Variants in CLOCK observed in about 807,000 individuals in gnomAD.
CLOCK encodes the protein circadian locomoter output cycles protein kaput.
CLOCK carries 43 observed loss-of-function variants against 118.4 expected under a neutral mutation model. The observed-to-expected ratio is 0.36, with a 90% confidence interval of 0.28 to 0.47. The LOEUF is 0.47. Ranked by LOEUF, CLOCK falls within the 20% of genes least tolerant of loss-of-function variation. CLOCK has a pLI of 1.00. For missense variants in CLOCK, 846 were observed against 999.9 expected, an observed-to-expected ratio of 0.85 and a Z score of 2.08; for synonymous variants, 326 against 339.2, an observed-to-expected ratio of 0.96 and a Z score of 0.43.
rs1727514107 is a variant in CLOCK at position 55,489,255 on chromosome 4, CA to C, written c.-44+118del. On this transcript the variant is annotated intron_variant, in intron 3 of 22. Coordinates refer to ENST00000513440, the MANE Select transcript of CLOCK (RefSeq NM_004898.4). ...CTACGTTTGGTGGTAAATTAACACACAAAAATTTTTTTAAATTAAACTTTCC... is the reference window on the plus strand; with the variant it reads ...CTACGTTTGGTGGTAAATTAACACACAAAATTTTTTTAAATTAAACTTTCC... 2.0e-5 allele frequency: 3 copies of C among 152,302 alleles called. No homozygotes were observed. The South Asian group carries it at 6.2e-4, about 32-fold the overall frequency. The allele number at this position is 152,302 out of a possible 1,614,324, so 9.4% of individuals were successfully genotyped here.
chr4:55,490,794 A>C (rs953101758), intron 2 of CLOCK, among the ~76,000 whole-genome samples: 1 of 152,210 alleles, frequency 6.6e-6, no homozygotes, highest in Non-Finnish European at 1.5e-5. Context: ...TTGAATCCAC[A>C]GACGTGGAAC....
At chr4:55,531,901 T>TAAAAAAAAA (rs35140581) in intron 1 of CLOCK, among the ~76,000 whole-genome samples, 1 of 145,634 alleles carries the variant, frequency 6.9e-6, no homozygotes, top group Non-Finnish European at 1.5e-5. Context: ...TTTTAAATGT[T>TAAAAAAAAA]AAAAAAAACA....
At chr4:55,525,561 G>A (rs2110073428) in intron 1 of CLOCK, among the ~76,000 whole-genome samples, 1 of 152,074 alleles carries the variant, frequency 6.6e-6, no homozygotes, top group African/African-American at 2.4e-5. Context: ...GGAGTGCAAT[G>A]GCACAATCTT....
At position 55,479,777 on chromosome 4, in the gene CLOCK, C is replaced by G; in HGVS notation, c.48-78G>C. The G allele has an allele frequency of 3.7e-6, 4 of 1,079,084 alleles. No homozygotes were observed. In the South Asian group the frequency reaches 5.1e-5, roughly 14 times the overall value. 66.8% of individuals were successfully genotyped at this position (1,079,084 alleles called of 1,614,324 possible). A position where few individuals can be genotyped will look rare whatever the true frequency, so the allele number is the denominator to read the frequency against. On this transcript the variant is annotated intron_variant, in intron 4 of 22. Transcript: ENST00000513440. ...TACTAAAGTGACATGTAAATCAACT[C>G]AGTTATGCCCTATGATTTTTGTAAA... is the stretch of plus-strand genomic sequence containing the variant.
chr4:55,510,568 A>T lies in CLOCK; in HGVS notation c.-289-503T>A, dbSNP rs1206093711. Among the ~76,000 whole-genome samples the T allele has an allele frequency of 2.7e-5, 4 of 147,844 alleles. No individual in the cohort carries two copies. The East Asian group carries it at 8.1e-4, about 30-fold the overall frequency. On this transcript the variant is annotated intron_variant, in intron 1 of 22. Transcript: ENST00000513440. ...CTTTAACTCGGGAGATGGAGGTTCC[A>T]GTGAGCCGAGATTGCGCCACTGCAC...
intron 2 of CLOCK, among the ~76,000 whole-genome samples, chr4:55,497,287 C>A (rs776939493): frequency 6.6e-6 from 1 of 152,176 alleles, no homozygotes; most frequent in South Asian, 2.1e-4. Context: ...AAGTCCTTCT[C>A]GGGCTGCCAT....
At chr4:55,442,052 T>C (rs1369427426) in intron 21 of CLOCK, among the ~76,000 whole-genome samples, 1 of 152,186 alleles carries the variant, frequency 6.6e-6, no homozygotes, top group Non-Finnish European at 1.5e-5. Flanking sequence ...TTTTGAGCAT[T>C]TAACAAACTT....
Position 55,435,213 on chromosome 4 carries a change from A to G in CLOCK, c.*202T>C, listed in dbSNP as rs187909010. 2.1e-5 allele frequency: 13 copies of G among 617,876 alleles called. No individual in the cohort carries two copies. The highest frequency in any genetic ancestry group is 2.0e-4 in the African/African-American group (11 of 54,582). The allele number at this position is 617,876 out of a possible 1,614,324, so 38.3% of individuals were successfully genotyped here. On this transcript the variant is annotated 3_prime_UTR_variant, in exon 23 of 23. Coordinates refer to ENST00000513440, the MANE Select transcript of CLOCK (RefSeq NM_004898.4). Reference sequence around the variant, plus strand: ...TGTCAGAACTGGCTATGCCCCTATGATCACCTCCTGCTGGCTGGTATTTAA... The same window carrying G: ...TGTCAGAACTGGCTATGCCCCTATGGTCACCTCCTGCTGGCTGGTATTTAA...
At position 55,428,147 on chromosome 4, in the gene CLOCK, A is replaced by G. The variant is rs1560401286; in HGVS notation, c.*7268T>C. 2 of 152,248 alleles carry G rather than the reference A, an allele frequency of 1.3e-5. No homozygotes were observed. The highest frequency in any genetic ancestry group is 2.9e-5 in the Non-Finnish European group (2 of 68,048). 9.4% of individuals were successfully genotyped at this position (152,248 alleles called of 1,614,324 possible). ...TGCTATAAGTTTAGGTTCTGAATAC[A>G]TGACAAGAGTATGGGAAAGAGCAGA... is the stretch of plus-strand genomic sequence containing the variant. On this transcript the variant is annotated 3_prime_UTR_variant, in exon 23 of 23. Transcript: ENST00000513440.
chr4:55,532,075 A>G (rs1422034831), intron 1 of CLOCK, among the ~76,000 whole-genome samples: 1 of 152,176 alleles, frequency 6.6e-6, no homozygotes, highest in Non-Finnish European at 1.5e-5. Flanking sequence ...CACAAAAACC[A>G]CATGATTCCA....
chr4:55,542,989 C>T (rs1731382323), intron 1 of CLOCK, among the ~76,000 whole-genome samples: 1 of 152,152 alleles, frequency 6.6e-6, no homozygotes, highest in African/African-American at 2.4e-5. Flanking sequence ...GTCACTCTGT[C>T]ACCAAGGCTG....
At position 55,448,599 on chromosome 4, in the gene CLOCK, CGCGT is replaced by C. The variant is rs1171404441; in HGVS notation, c.1539+176_1539+179del. 4.6e-3 allele frequency among the ~76,000 whole-genome samples: 485 copies of C among 105,646 alleles called. 2 individuals are homozygous for C. The highest frequency in any genetic ancestry group is 0.013 in the African/African-American group (378 of 29,124). 69.3% of individuals were successfully genotyped at this position (105,646 alleles called of 152,430 possible). On this transcript the variant is annotated intron_variant, in intron 18 of 22. Coordinates refer to ENST00000513440, the MANE Select transcript of CLOCK (RefSeq NM_004898.4). ...TTATATATGTGCGCGCGCGCACGCG[CGCGT>C]GTGTGTGTGTGTGTGTGTGTGTGTG...
rs1725365317 is a variant in CLOCK, at chr4:55,461,843, C to T, written c.559+1842G>A. On this transcript the variant is annotated intron_variant, in intron 9 of 22. Transcript: ENST00000513440. The stretch of plus-strand genomic sequence containing the variant: ...TTGCAGATAACAAAACTACCCAAAT[C>T]TCCTTCACTGGCTCTCTACTCTGTA... Among the ~76,000 whole-genome samples, 4 of 152,318 alleles carry T rather than the reference C, an allele frequency of 2.6e-5. No homozygotes were observed. In the South Asian group the frequency reaches 8.3e-4, roughly 32 times the overall value.
chr4:55,527,864 G>A (rs1345993220), intron 1 of CLOCK, among the ~76,000 whole-genome samples: 7 of 151,368 alleles, frequency 4.6e-5, no homozygotes, highest in African/African-American at 1.7e-4. Flanking sequence ...GCAACATAGC[G>A]AGATCTCATC....
At chr4:55,490,825 C>A (rs967307350) in intron 2 of CLOCK, among the ~76,000 whole-genome samples, 1 of 152,166 alleles carries the variant, frequency 6.6e-6, no homozygotes, top group Non-Finnish European at 1.5e-5. Context: ...AGAAGGCCAA[C>A]TGTATAGACC....
intron 4 of CLOCK, 84 bp from the exon 5 acceptor site, chr4:55,479,783 T>C (rs371693041): frequency 1.9e-6 from 2 of 1,050,290 alleles, no homozygotes; most frequent in African/African-American, 3.1e-5. Context: ...AACTCAGTTA[T>C]GCCCTATGAT....
chr4:55,466,903 A>C (rs540559943), intron 8 of CLOCK, among the ~76,000 whole-genome samples: 1 of 152,302 alleles, frequency 6.6e-6, no homozygotes, highest in African/African-American at 2.4e-5. Flanking sequence ...AGTTCTGCTG[A>C]TTTACTTATA....
chr4:55,510,624 C>CT (rs60167961), intron 1 of CLOCK, among the ~76,000 whole-genome samples: 21,827 of 100,996 alleles, frequency 0.22, 2,578 homozygotes, highest in South Asian at 0.29. Context: ...AAGACTCTGT[C>CT]TTTTTAAAAA....
chr4:55,505,416 C>T (rs144366729), intron 2 of CLOCK, among the ~76,000 whole-genome samples: 4 of 152,020 alleles, frequency 2.6e-5, no homozygotes, highest in African/African-American at 7.2e-5. Flanking sequence ...GTAATCCCAG[C>T]GCTTTGGGAG....
Sources: gnomAD v4.1 joint callset for allele counts (sites outside exome capture counted in the v4.1 genomes callset) on GRCh38, gnomAD v4.1.1 for gene constraint, MANE v1.5 for transcripts, NCBI Gene and HGNC (gene_info 2026-07-23, HGNC 2026-07-21) for gene names.